ANKS1B: variants seen among roughly 807,000 people sequenced by gnomAD.
The protein encoded by ANKS1B is ankyrin repeat and sterile alpha motif domain containing 1B.
ANKS1B carries 36 observed loss-of-function variants against 148.3 expected under a neutral mutation model. That is an observed-to-expected ratio of 0.24 (90% CI 0.19 to 0.32). The LOEUF (loss-of-function observed/expected upper bound fraction) is 0.32. Ranked by LOEUF, ANKS1B falls within the 10% of genes least tolerant of loss-of-function variation. ANKS1B has a pLI of 1.00. For synonymous variants in ANKS1B, 542 were observed against 560.8 expected (o/e 0.97, Z 0.47); for missense variants, 1,157 against 1,542.6 (o/e 0.75, Z 4.19).
At chr12:99,117,650 GA>G (rs2061726460) in intron 15 of ANKS1B, among the ~76,000 whole-genome samples, 2 of 152,174 alleles carry the variant, frequency 1.3e-5, no homozygotes, top group South Asian at 4.1e-4. Flanking sequence ...ATATTGGCCT[GA>G]AATTTTATTT....
intron 12 of ANKS1B, among the ~76,000 whole-genome samples, chr12:99,328,601 C>A (rs374085704): frequency 6.6e-6 from 1 of 151,742 alleles, no homozygotes; most frequent in Admixed American, 6.6e-5. Context: ...CCCAAAAGAT[C>A]AAAATGTTTC....
chr12:99,822,441 C>T (rs2082626460), intron 2 of ANKS1B, among the ~76,000 whole-genome samples: 2 of 152,060 alleles, frequency 1.3e-5, no homozygotes, highest in African/African-American at 4.8e-5. Context: ...GTTTTTCAAC[C>T]CTCCCTACCC....
chr12:98,903,379 T>C (rs1483067164), intron 17 of ANKS1B, among the ~76,000 whole-genome samples: 3 of 152,102 alleles, frequency 2.0e-5, no homozygotes, highest in Admixed American at 6.5e-5. Context: ...GATTCCATCA[T>C]GCAGCCACAG....
intron 9 of ANKS1B, among the ~76,000 whole-genome samples, chr12:99,580,916 A>T (rs1393625643): frequency 3.3e-5 from 5 of 152,180 alleles, no homozygotes; most frequent in African/African-American, 7.2e-5. Context: ...AAATTAAGGT[A>T]GCTATGCATG....
chr12:98,859,364 T>G (rs1211030903), intron 17 of ANKS1B, among the ~76,000 whole-genome samples: 2 of 152,362 alleles, frequency 1.3e-5, no homozygotes, highest in East Asian at 3.9e-4. Context: ...AAGAAAAGAC[T>G]AACAATTTTA....
intron 9 of ANKS1B, among the ~76,000 whole-genome samples, chr12:99,560,833 CTTTTTTCTTT>C (rs2097326968): frequency 2.9e-5 from 3 of 102,256 alleles, no homozygotes; most frequent in Non-Finnish European, 2.1e-5. Context: ...CAATTTCTTT[CTTTTTTCTTT>C]TTTTTTTTTT....
intron 2 of ANKS1B, among the ~76,000 whole-genome samples, chr12:99,818,551 T>G (rs1419880222): frequency 1.3e-5 from 2 of 151,812 alleles, no homozygotes; most frequent in East Asian, 3.9e-4. Flanking sequence ...ATGTCTTAAA[T>G]GTAAAGTAGC....
At chr12:99,358,968 T>C (rs545366380) in intron 12 of ANKS1B, among the ~76,000 whole-genome samples, 1 of 152,166 alleles carries the variant, frequency 6.6e-6, no homozygotes, top group Admixed American at 6.6e-5. Flanking sequence ...AAAGAAAAGC[T>C]TGCCACAGAA....
chr12:99,834,911 A>C (rs969334239), intron 1 of ANKS1B, among the ~76,000 whole-genome samples: 1 of 152,222 alleles, frequency 6.6e-6, no homozygotes, highest in Non-Finnish European at 1.5e-5. Flanking sequence ...AGATCATATC[A>C]TTTCAAGCAA....
chr12:99,734,211 C>T (rs530695679), intron 8 of ANKS1B, among the ~76,000 whole-genome samples: 125 of 152,126 alleles, frequency 8.2e-4, no homozygotes, highest in Admixed American at 2.4e-3. Flanking sequence ...CTAATTCTAC[C>T]CCCATATTCT....
At chr12:99,714,886 A>G (rs2057097826) in intron 8 of ANKS1B, among the ~76,000 whole-genome samples, 2 of 151,988 alleles carry the variant, frequency 1.3e-5, no homozygotes, top group East Asian at 3.9e-4. Context: ...TGGGAAGCCA[A>G]GGCAGACAGA....
At chr12:98,952,049 CT>C (rs964478292) in intron 17 of ANKS1B, among the ~76,000 whole-genome samples, 1 of 152,118 alleles carries the variant, frequency 6.6e-6, no homozygotes, top group African/African-American at 2.4e-5. Flanking sequence ...ATCTGTTTGC[CT>C]TTTTTCCTGG....
chr12:99,160,504 A>AT (rs3077550), intron 14 of ANKS1B, among the ~76,000 whole-genome samples: 414 of 136,752 alleles, frequency 3.0e-3, no homozygotes, highest in Non-Finnish European at 3.8e-3. Flanking sequence ...ACACCAGGCT[A>AT]TTTTTTTTTT....
At chr12:99,744,855 G>T (rs2060438909) in intron 8 of ANKS1B, among the ~76,000 whole-genome samples, 1 of 151,934 alleles carries the variant, frequency 6.6e-6, no homozygotes, top group African/African-American at 2.4e-5. Context: ...AGCTGGGCGT[G>T]GTGGCACATG....
In ANKS1B at chr12:99,359,852, TGATAGTAATATAAATACCAA is replaced by T. The variant is rs552695693; in HGVS notation, c.1756+39759_1756+39778del. ...TTATTTCTGTTTATTTTATATATCC[TGATAGTAATATAAATACCAA>T]TTACACTTTTTACAGTCTTGTTTCT... On this transcript the variant is annotated intron_variant, in intron 12 of 26. Coordinates refer to ENST00000683438, the MANE Select transcript of ANKS1B (RefSeq NM_001352186.2). Among the ~76,000 whole-genome samples the T allele has an allele frequency of 6.9e-4, 105 of 152,302 alleles. 2 individuals carry two copies. The South Asian group carries it at 0.021, about 30-fold the overall frequency.
At chr12:99,543,782 A>T (rs1430710298) in intron 9 of ANKS1B, among the ~76,000 whole-genome samples, 3 of 152,306 alleles carry the variant, frequency 2.0e-5, no homozygotes, top group African/African-American at 4.8e-5. Flanking sequence ...GATTTCATTT[A>T]TATGGCATAT....
intron 1 of ANKS1B, among the ~76,000 whole-genome samples, chr12:99,932,379 A>G (rs2094642194): frequency 6.6e-6 from 1 of 152,148 alleles, no homozygotes; most frequent in Admixed American, 6.6e-5. Context: ...CTACTAATTT[A>G]CATTCCCACC....
intron 8 of ANKS1B, among the ~76,000 whole-genome samples, chr12:99,708,317 C>T (rs188385837): frequency 3.3e-5 from 5 of 152,182 alleles, no homozygotes; most frequent in African/African-American, 9.6e-5. Context: ...TATTTAATAC[C>T]ATATTGAGGA....
At chr12:99,214,133 T>A (rs1195873781) in intron 14 of ANKS1B, among the ~76,000 whole-genome samples, 2 of 151,220 alleles carry the variant, frequency 1.3e-5, no homozygotes, top group Non-Finnish European at 2.9e-5. Context: ...AAAAAAAAAA[T>A]CTGTCTAAAT....
Sources: gnomAD v4.1 joint callset for allele counts (sites outside exome capture counted in the v4.1 genomes callset) on GRCh38, gnomAD v4.1.1 for gene constraint, MANE v1.5 for transcripts, NCBI Gene and HGNC (gene_info 2026-07-23, HGNC 2026-07-21) for gene names.